SBF2: variants seen among roughly 807,000 people sequenced by gnomAD.
SBF2 encodes the protein SET binding factor 2.
Under a neutral mutation model 225.2 loss-of-function variants are expected in SBF2, and 112 were observed. The ratio of observed to expected loss-of-function variants is 0.50; its 90% confidence interval spans 0.43 to 0.58. SBF2 has a LOEUF of 0.58. Ranked by LOEUF, SBF2 falls within the 20% of genes least tolerant of loss-of-function variation. SBF2 has a pLI of 0.00. For synonymous variants in SBF2, 763 were observed against 773.3 expected (o/e 0.99, Z 0.22); for missense variants, 1,996 against 2,206.2 (o/e 0.90, Z 1.91).
chr11:10,006,818 GC>G, intron 6 of SBF2, among the ~76,000 whole-genome samples: 1 of 152,116 alleles, frequency 6.6e-6, no homozygotes, highest in Non-Finnish European at 1.5e-5. Context: ...GGGAAGTTCA[GC>G]CCCCTTGCAG....
chr11:10,038,560 C>T (rs899644665), intron 3 of SBF2, among the ~76,000 whole-genome samples: 5 of 152,060 alleles, frequency 3.3e-5, no homozygotes, highest in African/African-American at 1.2e-4. Flanking sequence ...ATCTGTTTCA[C>T]TGAATGATAC....
intron 17 of SBF2, among the ~76,000 whole-genome samples, chr11:9,874,958 G>A (rs1859095546): frequency 6.6e-6 from 1 of 152,220 alleles, no homozygotes; most frequent in African/African-American, 2.4e-5. Context: ...AGCATTGTAA[G>A]CTGATTATAA....
chr11:10,287,008 G>A (rs570506356), intron 1 of SBF2, among the ~76,000 whole-genome samples: 8 of 152,220 alleles, frequency 5.3e-5, no homozygotes, highest in Non-Finnish European at 1.0e-4. Flanking sequence ...AAATTCAAGT[G>A]TCCTTCAACT....
intron 1 of SBF2, among the ~76,000 whole-genome samples, chr11:10,234,573 G>T (rs1958985918): frequency 6.6e-6 from 1 of 152,062 alleles, no homozygotes; most frequent in African/African-American, 2.4e-5. Context: ...TTGTCAAGAT[G>T]ATAGTGTTCC....
upstream of SBF2, among the ~76,000 whole-genome samples, chr11:10,298,387 C>A (rs575735043): frequency 4.6e-5 from 7 of 152,096 alleles, no homozygotes; most frequent in East Asian, 7.7e-4. Context: ...GTGAAACTCC[C>A]GTTCAAAAAA....
At chr11:10,196,866 A>ATATTTTTTTTTT in intron 1 of SBF2, among the ~76,000 whole-genome samples, 2 of 99,314 alleles carry the variant, frequency 2.0e-5, no homozygotes, top group Non-Finnish European at 3.9e-5. Flanking sequence ...ATATATATAT[A>ATATTTTTTTTTT]TTTTTTTTTT....
At chr11:10,249,196 C>T (rs1217155781) in intron 1 of SBF2, among the ~76,000 whole-genome samples, 1 of 151,852 alleles carries the variant, frequency 6.6e-6, no homozygotes, top group Non-Finnish European at 1.5e-5. Flanking sequence ...AAAATAAAAG[C>T]ACAACAGGGT....
chr11:9,931,297 C>T (rs1864480822), intron 16 of SBF2, among the ~76,000 whole-genome samples: 1 of 152,230 alleles, frequency 6.6e-6, no homozygotes, highest in African/African-American at 2.4e-5. Context: ...GACAGACTGC[C>T]TCCTCAAGTG....
intron 6 of SBF2, among the ~76,000 whole-genome samples, chr11:10,011,098 G>T (rs984708139): frequency 1.3e-5 from 2 of 151,992 alleles, no homozygotes; most frequent in African/African-American, 2.4e-5. Context: ...ACTAAGAGAA[G>T]AAATAAAAAA....
intron 28 of SBF2, among the ~76,000 whole-genome samples, chr11:9,821,724 T>C (rs975103577): frequency 1.5e-4 from 23 of 152,354 alleles, no homozygotes; most frequent in East Asian, 9.6e-4. Context: ...AAAATACTAA[T>C]GAGCACTGCA....
At chr11:9,850,295 GC>G in intron 21 of SBF2, 77 bp from the exon 22 acceptor site, 1 of 1,361,466 alleles carries the variant, frequency 7.3e-7, no homozygotes, top group South Asian at 1.2e-5. Flanking sequence ...TTGCTCTGTT[GC>G]CCAGCCTAGA....
At chr11:9,930,622 G>A (rs929529518) in intron 16 of SBF2, among the ~76,000 whole-genome samples, 1 of 152,190 alleles carries the variant, frequency 6.6e-6, no homozygotes, top group African/African-American at 2.4e-5. Flanking sequence ...TTAACTTGGG[G>A]AGATCCGTTT....
chr11:10,278,279 G>C (rs1018073890), intron 1 of SBF2, among the ~76,000 whole-genome samples: 1 of 152,116 alleles, frequency 6.6e-6, no homozygotes, highest in Admixed American at 6.5e-5. Flanking sequence ...ACATTGATAA[G>C]TATATGGGAA....
At chr11:9,815,465 A>AG (rs1854408369) in intron 29 of SBF2, among the ~76,000 whole-genome samples, 1 of 44,512 alleles carries the variant, frequency 2.2e-5, no homozygotes, top group African/African-American at 6.6e-5. Context: ...AACTTAAAAA[A>AG]AATATAATAA....
intron 1 of SBF2, among the ~76,000 whole-genome samples, chr11:10,222,233 C>A (rs187393485): frequency 2.6e-5 from 4 of 152,232 alleles, no homozygotes; most frequent in African/African-American, 9.6e-5. Context: ...ATCCAAAACA[C>A]AATCTAAAAT....
At chr11:9,882,666 G>T (rs1439754949) in intron 17 of SBF2, among the ~76,000 whole-genome samples, 3 of 151,912 alleles carry the variant, frequency 2.0e-5, no homozygotes, top group African/African-American at 7.2e-5. Context: ...AATTAGCTGG[G>T]CGCGGTGGCA....
intron 1 of SBF2, among the ~76,000 whole-genome samples, chr11:10,248,579 T>C (rs1048575086): frequency 1.3e-5 from 2 of 152,164 alleles, no homozygotes; most frequent in African/African-American, 4.8e-5. Flanking sequence ...AAAGTAAAAA[T>C]GCTAAGGGTT....
intron 16 of SBF2, among the ~76,000 whole-genome samples, chr11:9,948,620 T>G (rs1002140242): frequency 1.3e-5 from 2 of 152,184 alleles, no homozygotes; most frequent in Admixed American, 6.5e-5. Context: ...ATCTGGACAC[T>G]AGACATGCTC....
rs560523462 is a variant in SBF2 at position 9,849,966 on chromosome 11, A to G, written c.2806+57T>C. 4 of 1,483,720 alleles carry G rather than the reference A, an allele frequency of 2.7e-6. No individual in the cohort carries two copies. The Admixed American group carries it at 6.7e-5, about 25-fold the overall frequency. The allele number at this position is 1,483,720 out of a possible 1,614,324, so 91.9% of individuals were successfully genotyped here. ...CTGCAAATCACTGTGCACAGATGGGATCGAGACCTCATGTACCACACAGAT... is the reference window on the plus strand; with the variant it reads ...CTGCAAATCACTGTGCACAGATGGGGTCGAGACCTCATGTACCACACAGAT... On this transcript the variant is annotated intron_variant, in intron 22 of 39. Transcript: ENST00000256190.
Sources: gnomAD v4.1 joint callset for allele counts (sites outside exome capture counted in the v4.1 genomes callset) on GRCh38, gnomAD v4.1.1 for gene constraint, MANE v1.5 for transcripts, NCBI Gene and HGNC (gene_info 2026-07-23, HGNC 2026-07-21) for gene names.